Variants in NEGR1 observed in about 807,000 individuals in gnomAD.
The protein encoded by NEGR1 is neuronal growth regulator 1, also known as IgLON family member 4.
Under a neutral mutation model 40.9 loss-of-function variants are expected in NEGR1, and 10 were observed. The ratio of observed to expected loss-of-function variants is 0.24; its 90% confidence interval spans 0.15 to 0.42. The LOEUF (loss-of-function observed/expected upper bound fraction) is 0.42. Among genes scored for constraint, NEGR1 ranks in the 10% least tolerant of loss-of-function variants. NEGR1 has a pLI of 1.00. For missense variants in NEGR1, 352 were observed against 438.9 expected, an observed-to-expected ratio of 0.80 and a Z score of 1.77; for synonymous variants, 185 against 166.8, an observed-to-expected ratio of 1.11 and a Z score of -0.84.
chr1:72,005,921 T>C (rs150569261), intron 1 of NEGR1, among the ~76,000 whole-genome samples: 15 of 152,304 alleles, frequency 9.8e-5, no homozygotes, highest in Non-Finnish European at 1.8e-4. Flanking sequence ...ATACTTTTCA[T>C]CTGGCCAACC....
chr1:72,090,803 G>C (rs950729392), intron 1 of NEGR1, among the ~76,000 whole-genome samples: 13 of 152,116 alleles, frequency 8.5e-5, no homozygotes, highest in African/African-American at 3.1e-4. Flanking sequence ...GAGCTGTGGG[G>C]TTTTGAGTAA....
chr1:72,220,920 T>TTTG (rs1553151601), intron 1 of NEGR1, among the ~76,000 whole-genome samples: 2 of 151,038 alleles, frequency 1.3e-5, no homozygotes, highest in Admixed American at 6.6e-5. Context: ...TAAAGTTTTT[T>TTTG]TTTTTTTTTT....
intron 6 of NEGR1, among the ~76,000 whole-genome samples, chr1:71,571,882 G>A (rs1420472906): frequency 6.6e-6 from 1 of 150,888 alleles, no homozygotes; most frequent in Non-Finnish European, 1.5e-5. Context: ...TTCAAAAGTT[G>A]AAGAGGTAAA....
rs779985928 is a variant in NEGR1, at chr1:71,396,902, A to C, written c.*10544T>G. 2.0e-5 allele frequency: 3 copies of C among 153,820 alleles called. No homozygotes were observed. The highest frequency in any genetic ancestry group is 2.9e-5 in the Non-Finnish European group (2 of 69,314). 9.5% of individuals were successfully genotyped at this position (153,820 alleles called of 1,614,324 possible). A position where few individuals can be genotyped will look rare whatever the true frequency, so the allele number is the denominator to read the frequency against. On this transcript the variant is annotated 3_prime_UTR_variant, in exon 7 of 7. Coordinates refer to ENST00000357731, the MANE Select transcript of NEGR1 (RefSeq NM_173808.3). Reference sequence around the variant, plus strand: ...TGAAAACTGACTAATATAGTAAATTAGTATCAGGAGTGGAGTGCTGCTGAA... The same window carrying C: ...TGAAAACTGACTAATATAGTAAATTCGTATCAGGAGTGGAGTGCTGCTGAA...
chr1:71,577,982 GC>G (rs1463299859), intron 6 of NEGR1, among the ~76,000 whole-genome samples: 1 of 151,936 alleles, frequency 6.6e-6, no homozygotes, highest in African/African-American at 2.4e-5. Flanking sequence ...TCAAGATATA[GC>G]AGTGCATTAC....
intron 6 of NEGR1, among the ~76,000 whole-genome samples, chr1:71,423,539 G>A (rs545844653): frequency 5.2e-4 from 79 of 152,272 alleles, no homozygotes; most frequent in Middle Eastern, 3.4e-3. Flanking sequence ...TTGTTCATTT[G>A]AAGATATTAC....
Position 71,798,694 on chromosome 1 carries a change from A to AT in NEGR1, c.410-22398dup, listed in dbSNP as rs199860537. Among the ~76,000 whole-genome samples, 61 of 152,132 alleles carry AT rather than the reference A, an allele frequency of 4.0e-4. No individual in the cohort carries two copies. In the East Asian group the frequency reaches 9.3e-3, roughly 23 times the overall value. On this transcript the variant is annotated intron_variant, in intron 2 of 6. Coordinates refer to ENST00000357731, the MANE Select transcript of NEGR1 (RefSeq NM_173808.3). ...AGCTGATCTGAGTCTGAAACCTAAT[A>AT]TTTTTTTTCCTCCAAGGCTATGCAG...
intron 6 of NEGR1, chr1:71,407,839 T>C: frequency 5.7e-6 from 2 of 351,410 alleles, no homozygotes; most frequent in South Asian, 7.8e-5. Flanking sequence ...ATGAAGCACA[T>C]ACAGCATATT....
intron 6 of NEGR1, among the ~76,000 whole-genome samples, chr1:71,565,697 A>G (rs1648596850): frequency 2.0e-5 from 3 of 152,196 alleles, no homozygotes; most frequent in Admixed American, 1.3e-4. Context: ...TGAAATAAAT[A>G]TGATAGATGC....
At chr1:72,212,236 C>T (rs1653635779) in intron 1 of NEGR1, among the ~76,000 whole-genome samples, 1 of 151,940 alleles carries the variant, frequency 6.6e-6, no homozygotes. Flanking sequence ...TGTAAAATTA[C>T]AATCAATTAA....
intron 1 of NEGR1, among the ~76,000 whole-genome samples, chr1:72,019,591 A>G (rs188606569): frequency 1.8e-4 from 27 of 152,334 alleles, no homozygotes; most frequent in Non-Finnish European, 3.8e-4. Flanking sequence ...AACCAAGTAG[A>G]AACTTTGAGA....
chr1:71,634,270 A>T (rs528233952), intron 4 of NEGR1, among the ~76,000 whole-genome samples: 6 of 152,198 alleles, frequency 3.9e-5, no homozygotes, highest in African/African-American at 1.4e-4. Context: ...CAAGCAGATG[A>T]GCCATCTCTG....
chr1:72,237,695 G>A (rs2100508839), intron 1 of NEGR1, among the ~76,000 whole-genome samples: 2 of 152,082 alleles, frequency 1.3e-5, no homozygotes, highest in South Asian at 4.1e-4. Flanking sequence ...CTAAAAGTTG[G>A]ATAACAAAAT....
chr1:71,766,934 T>C (rs1656153854), intron 3 of NEGR1, among the ~76,000 whole-genome samples: 2 of 152,224 alleles, frequency 1.3e-5, no homozygotes, highest in Non-Finnish European at 2.9e-5. Context: ...CTTTGCCTTC[T>C]GTCATGACCG....
intron 2 of NEGR1, among the ~76,000 whole-genome samples, chr1:71,785,007 AT>A (rs1485793963): frequency 6.6e-6 from 1 of 152,156 alleles, no homozygotes; most frequent in South Asian, 2.1e-4. Flanking sequence ...AAAGATTTTT[AT>A]TTTTTTGATT....
intron 1 of NEGR1, among the ~76,000 whole-genome samples, chr1:72,172,612 G>T (rs188648041): frequency 6.6e-6 from 1 of 152,086 alleles, no homozygotes; most frequent in African/African-American, 2.4e-5. Context: ...TATTGTAATC[G>T]TTTCCTGTTG....
chr1:72,080,086 A>T (rs892173871), intron 1 of NEGR1, among the ~76,000 whole-genome samples: 37 of 152,002 alleles, frequency 2.4e-4, no homozygotes, highest in African/African-American at 8.4e-4. Context: ...CCTTTTTTTG[A>T]CAATGTGCAA....
At chr1:71,588,396 A>G (rs1220211658) in intron 6 of NEGR1, among the ~76,000 whole-genome samples, 2 of 152,110 alleles carry the variant, frequency 1.3e-5, no homozygotes, top group East Asian at 3.9e-4. Context: ...AGTGATCTGC[A>G]CAATATTCTC....
intron 1 of NEGR1, among the ~76,000 whole-genome samples, chr1:72,174,932 C>A (rs1003344890): frequency 4.6e-5 from 7 of 151,990 alleles, no homozygotes; most frequent in African/African-American, 1.7e-4. Flanking sequence ...GTCATTTTAT[C>A]TATAATGTGT....
Sources: allele counts gnomAD v4.1 joint callset (sites outside exome capture counted in the v4.1 genomes callset), GRCh38; gene constraint gnomAD v4.1.1; transcripts MANE v1.5; gene names NCBI Gene and HGNC (gene_info 2026-07-23, HGNC 2026-07-21).